XRN1: variants seen among roughly 807,000 people sequenced by gnomAD.
The protein encoded by XRN1 is strand-exchange protein 1 homolog.
XRN1 carries 67 observed loss-of-function variants against 222.3 expected under a neutral mutation model. That is an observed-to-expected ratio of 0.30 (90% CI 0.25 to 0.37). XRN1 has a LOEUF of 0.37. Among genes scored for constraint, XRN1 ranks in the 10% least tolerant of loss-of-function variants. The pLI is 1.00. For missense variants in XRN1, 1,707 were observed against 2,000.2 expected (o/e 0.85, Z 2.80); for synonymous variants, 643 against 652.4 (o/e 0.99, Z 0.22).
chr3:142,388,580 C>A (rs2067597405), intron 20 of XRN1, among the ~76,000 whole-genome samples: 1 of 152,158 alleles, frequency 6.6e-6, no homozygotes, highest in South Asian at 2.1e-4. Flanking sequence ...AGGGTCTCAC[C>A]TTGATATTGA....
At chr3:142,329,959 A>G (rs191117641) in intron 36 of XRN1, among the ~76,000 whole-genome samples, 13 of 152,368 alleles carry the variant, frequency 8.5e-5, no homozygotes, top group African/African-American at 3.1e-4. Flanking sequence ...TGAAGCACAT[A>G]TAAACAACTA....
intron 39 of XRN1, among the ~76,000 whole-genome samples, chr3:142,313,677 T>C (rs535799420): frequency 6.6e-6 from 1 of 152,226 alleles, no homozygotes; most frequent in Non-Finnish European, 1.5e-5. Flanking sequence ...TTCAGTGTTA[T>C]GAAATACACA....
In XRN1 at chr3:142,311,533, C is replaced by T. The variant is rs763729667; in HGVS notation, c.5063G>A (p.Gly1688Asp). ...AATTTACTCAGAAGGTTTAGAAACA[C>T]CAAAATTAACAGCCAGTTTTCTTGA... ...RKSRKLAVNF[G>D]VSKPSE The change falls in exon 41 of 41, where the codon GGT (glycine) becomes GAT (aspartate). Residue 1688 changes from glycine (G) to aspartate (D), a missense_variant. Around this residue, in one of 2 missense-constraint regions of XRN1, gnomAD observed 473 missense variants for 482.0 expected, o/e 0.98. Transcript: ENST00000392981. 1 of 1,607,722 alleles carries T rather than the reference C, an allele frequency of 6.2e-7. No individual in the cohort carries two copies. Among genetic ancestry groups the T allele is most frequent in the Non-Finnish European group, 8.5e-7 (1 of 1,176,176 alleles).
At chr3:142,388,360 C>T (rs74551497) in intron 20 of XRN1, among the ~76,000 whole-genome samples, 1,894 of 152,248 alleles carry the variant, frequency 0.012, 16 homozygotes, top group Non-Finnish European at 0.017. Context: ...ACAAAATATG[C>T]GTTATCAACT....
intron 37 of XRN1, 41 bp downstream of exon 37, chr3:142,329,393 T>G (rs2065625991): frequency 2.3e-6 from 3 of 1,285,446 alleles, no homozygotes; most frequent in Middle Eastern, 2.5e-4. Context: ...TTAAGCTTAA[T>G]GTTAAATAAT....
intron 21 of XRN1, among the ~76,000 whole-genome samples, chr3:142,384,253 CAG>C: frequency 7.6e-6 from 1 of 131,346 alleles, no homozygotes; most frequent in African/African-American, 3.0e-5. Flanking sequence ...GCCCGGGCAA[CAG>C]AGCGAGACTC....
In XRN1 at chr3:142,309,048, T is replaced by C. The variant is rs918193431; in HGVS notation, c.*2463A>G. ...TGGCCTCTGCTTCTTACATCCTCCA[T>C]AGGGAGGGCACATCTCCCATTGACC... On this transcript the variant is annotated 3_prime_UTR_variant, in exon 41 of 41. Transcript: ENST00000392981. The C allele has an allele frequency of 6.6e-6, 1 of 152,076 alleles. No homozygotes were observed. Among genetic ancestry groups the C allele is most frequent in the Non-Finnish European group, 1.5e-5 (1 of 68,006 alleles). 9.4% of individuals were successfully genotyped at this position (152,076 alleles called of 1,614,324 possible). A position where few individuals can be genotyped will look rare whatever the true frequency, so the allele number is the denominator to read the frequency against.
Position 142,425,496 on chromosome 3 carries a change from A to G in XRN1, c.449T>C (p.Phe150Ser). 1 of 1,613,552 alleles carries G rather than the reference A, an allele frequency of 6.2e-7. No individual in the cohort carries two copies. Among genetic ancestry groups the G allele is most frequent in the Non-Finnish European group, 8.5e-7 (1 of 1,179,676 alleles). ...MARLHEHLKY[F>S]VNMKISTDKS... is the part of the protein sequence containing the mutation. Reference sequence around the variant, plus strand: ...GTCTGTGGAAATTTTCATATTTACAAAATACTTCAGATGTTCATGTAACCT... The same window carrying G: ...GTCTGTGGAAATTTTCATATTTACAGAATACTTCAGATGTTCATGTAACCT... Residue 150 changes from phenylalanine to serine, a missense_variant, in exon 4 of 41, where the codon TTT becomes TCT. Physicochemically the swap from Phe to Ser is radical, Grantham distance 155. Around this residue, in one of 2 missense-constraint regions of XRN1, gnomAD observed 1,234 missense variants for 1,518.2 expected, o/e 0.81. Coordinates refer to ENST00000392981, the MANE Select transcript of XRN1 (RefSeq NM_001282857.2).
At chr3:142,328,706 TATATATATATATATATATATATATATATA>T (rs2065595398) in intron 37 of XRN1, among the ~76,000 whole-genome samples, 1 of 1,758 alleles carries the variant, frequency 5.7e-4, no homozygotes, top group South Asian at 0.042. Context: ...TGTAATATTA[TATATATATATATATATATATATATATATA>T]TATATATATA....
intron 33 of XRN1, among the ~76,000 whole-genome samples, chr3:142,338,842 C>T (rs151326378): frequency 6.6e-6 from 1 of 152,126 alleles, no homozygotes; most frequent in South Asian, 2.1e-4. Context: ...TTGGTGACGG[C>T]CACGGGGAAA....
rs1252750607 is a variant in XRN1, at chr3:142,308,019, G to A, written c.*3492C>T. ...CATAAGGCTGAGAAATTGTACAGTT[G>A]CTTTAAAAAACTGTGCTCTAAATAA... On this transcript the variant is annotated 3_prime_UTR_variant, in exon 41 of 41. Transcript: ENST00000392981. 1 of 152,016 alleles carries A rather than the reference G, an allele frequency of 6.6e-6. No homozygotes were observed. Among genetic ancestry groups the A allele is most frequent in the African/African-American group, 2.4e-5 (1 of 41,398 alleles). 9.4% of individuals were successfully genotyped at this position (152,016 alleles called of 1,614,324 possible). A position where few individuals can be genotyped will look rare whatever the true frequency, so the allele number is the denominator to read the frequency against.
At chr3:142,442,368 G>T (rs1414223227) in intron 1 of XRN1, among the ~76,000 whole-genome samples, 3 of 152,156 alleles carry the variant, frequency 2.0e-5, no homozygotes, top group Non-Finnish European at 1.5e-5. Flanking sequence ...CGCAAGGCAG[G>T]ACCCTCCATT....
rs75923282 is a variant in XRN1, at chr3:142,310,215, T to C, written c.*1296A>G. On this transcript the variant is annotated 3_prime_UTR_variant, in exon 41 of 41. Coordinates refer to ENST00000392981, the MANE Select transcript of XRN1 (RefSeq NM_001282857.2). ...ATGGCAGAGTTTCCAATGAGTTACA[T>C]GAAAATCAGATATAACAAGCTGCTC... 1.3e-5 allele frequency: 2 copies of C among 152,488 alleles called. No homozygotes were observed. Among genetic ancestry groups the C allele is most frequent in the Non-Finnish European group, 2.9e-5 (2 of 68,006 alleles). The allele number at this position is 152,488 out of a possible 1,614,324, so 9.4% of individuals were successfully genotyped here.
At chr3:142,344,647 T>C (rs1402052422) in intron 33 of XRN1, among the ~76,000 whole-genome samples, 1 of 152,022 alleles carries the variant, frequency 6.6e-6, no homozygotes, top group Non-Finnish European at 1.5e-5. Flanking sequence ...CCAGTTCCAT[T>C]GAAAAAAGCA....
chr3:142,350,049 C>A (rs1050427953), intron 32 of XRN1, among the ~76,000 whole-genome samples: 11 of 152,108 alleles, frequency 7.2e-5, no homozygotes, highest in Middle Eastern at 3.2e-3. Flanking sequence ...AGTAAAGAGA[C>A]CAGTCTAACT....
chr3:142,357,264 G>A (rs1435000420), intron 30 of XRN1, 145 bp from the exon 31 acceptor site: 2 of 710,810 alleles, frequency 2.8e-6, no homozygotes, highest in Admixed American at 5.5e-5. Context: ...TCAAATCACA[G>A]CAATAGCTCA....
At chr3:142,370,285 T>C (rs2066950544) in intron 27 of XRN1, among the ~76,000 whole-genome samples, 200 bp downstream of exon 27, 1 of 152,214 alleles carries the variant, frequency 6.6e-6, no homozygotes, top group Non-Finnish European at 1.5e-5. Context: ...TGCTATACAA[T>C]ATAAATTTGG....
chr3:142,435,373 G>A (rs1448268206), intron 1 of XRN1: 2 of 150,088 alleles, frequency 1.3e-5, no homozygotes, highest in Admixed American at 6.6e-5. Context: ...ACTCCAGCCT[G>A]GGCAACTGAG....
At position 142,365,326 on chromosome 3, in the gene XRN1, G is replaced by T. The variant is rs148243999; in HGVS notation, c.3245C>A (p.Pro1082His). 2.4e-5 allele frequency: 38 copies of T among 1,584,698 alleles called. No individual in the cohort carries two copies. In the African/African-American group the frequency reaches 5.0e-4, roughly 21 times the overall value. ...GAAACTTACTCTGTATAGCAAATGG[G>T]GTTTCACTGTTACTCGCACCTTCTT... ...NNKKVRVTVK[P>H]HLLYRPLEQQ... The change falls in exon 28 of 41, where the codon CCC becomes CAC. Residue 1082 changes from proline (P) to histidine (H), a missense_variant. This residue lies in a region of XRN1 where 1,234 missense variants were observed against 1,518.2 expected (regional missense o/e 0.81). Transcript: ENST00000392981.
Sources: allele counts gnomAD v4.1 joint callset (sites outside exome capture counted in the v4.1 genomes callset), GRCh38; gene constraint gnomAD v4.1.1; regional missense constraint gnomAD v4.1.1; transcripts MANE v1.5; gene names NCBI Gene and HGNC (gene_info 2026-07-23, HGNC 2026-07-21).